TK2: variants seen among roughly 807,000 people sequenced by gnomAD.
TK2 encodes thymidine kinase 2, also known as thymidine kinase 2, mitochondrial.
Under a neutral mutation model 41.9 loss-of-function variants are expected in TK2, and 35 were observed. The ratio of observed to expected loss-of-function variants is 0.84; its 90% CI spans 0.64 to 1.11. The LOEUF (loss-of-function observed/expected upper bound fraction) is 1.11. TK2 is among the 50% of genes least tolerant of loss of function. The pLI is 0.00. For synonymous variants in TK2, 128 were observed against 129.1 expected, an observed-to-expected ratio of 0.99 and a Z score of 0.06; for missense variants, 320 against 351.1, an observed-to-expected ratio of 0.91 and a Z score of 0.71.
At position 66,511,753 on chromosome 16, in the gene TK2, A is replaced by T. The variant is rs1422856205; in HGVS notation, c.*215T>A. 1.6e-6 allele frequency: 1 copy of T among 620,260 alleles called. No individual in the cohort carries two copies. Among genetic ancestry groups the T allele is most frequent in the Non-Finnish European group, 2.9e-6 (1 of 344,794 alleles). The allele number at this position is 620,260 out of a possible 1,614,324, so 38.4% of individuals were successfully genotyped here. ...GGGGGAATGTGAGGCTGCGAACAGC[A>T]AAGGGCTTGGCAAACCCATTGGTCC... On this transcript the variant is annotated 3_prime_UTR_variant, in exon 10 of 10. Transcript: ENST00000544898.
Position 66,512,055 on chromosome 16 carries a change from A to C in TK2, c.711T>G (p.Ala237=). 2 of 1,614,204 alleles carry C rather than the reference A, an allele frequency of 1.2e-6. No homozygotes were observed. The highest frequency in any genetic ancestry group is 1.7e-6 in the Non-Finnish European group (2 of 1,180,026). The part of the protein sequence containing the change: ...PMAAPVLVIE[A]DHHMERMLEL... The stretch of plus-strand genomic sequence containing the variant: ...CTAACATCCTCTCCATGTGGTGGTC[A>C]GCCTCAATCACCTGGAAATTAGACA... Residue 237 remains alanine, a synonymous_variant, in exon 10 of 10, where the codon GCT becomes GCG. Coordinates refer to ENST00000544898, the MANE Select transcript of TK2 (RefSeq NM_004614.5).
At chr16:66,545,177 A>G (rs1425925693) in intron 2 of TK2, among the ~76,000 whole-genome samples, 2 of 152,198 alleles carry the variant, frequency 1.3e-5, no homozygotes, top group African/African-American at 4.8e-5. Context: ...ATGAATATGC[A>G]TATATGTATT....
Position 66,511,689 on chromosome 16 carries a change from G to A in TK2, c.*279C>T. 1 of 516,290 alleles carries A rather than the reference G, an allele frequency of 1.9e-6. No individual in the cohort carries two copies. 32.0% of individuals were successfully genotyped at this position (516,290 alleles called of 1,614,324 possible). A position where few individuals can be genotyped will look rare whatever the true frequency, so the allele number is the denominator to read the frequency against. On this transcript the variant is annotated 3_prime_UTR_variant, in exon 10 of 10. Transcript: ENST00000544898. ...CAGGTGCTCTCCCTAAGGGCTTCATGAGAGCGACTCAGCAGCACAAAGCCA... is the reference window on the plus strand; with the variant it reads ...CAGGTGCTCTCCCTAAGGGCTTCATAAGAGCGACTCAGCAGCACAAAGCCA...
chr16:66,549,010 C>T lies in TK2; in HGVS notation c.125-1G>A. ...TTTTTCTCTTTTTCCTGTTCTTTAT[C>T]TACAAAAGAAAGGAAATCAGTTTTT... On this transcript the variant is annotated splice_acceptor_variant, in intron 1 of 9. Transcript: ENST00000544898. LOFTEE classifies it high-confidence loss of function. 1 of 1,613,668 alleles carries T rather than the reference C, an allele frequency of 6.2e-7. No individual in the cohort carries two copies. The highest frequency in any genetic ancestry group is 1.1e-5 in the South Asian group (1 of 91,072).
At chr16:66,545,874 ATC>A (rs1258980531) in intron 2 of TK2, among the ~76,000 whole-genome samples, 1 of 152,078 alleles carries the variant, frequency 6.6e-6, no homozygotes, top group African/African-American at 2.4e-5. Flanking sequence ...GATACAAAAG[ATC>A]CCACGCTATA....
chr16:66,523,102 G>A (rs992961976), intron 6 of TK2, among the ~76,000 whole-genome samples: 8 of 152,194 alleles, frequency 5.3e-5, no homozygotes, highest in Non-Finnish European at 1.0e-4. Context: ...ACTTCGAGGA[G>A]ATGCAGGATT....
rs1301581729 is a variant in TK2 at position 66,515,372 on chromosome 16, CAGACTATAA to C, written c.619-1570_619-1562del. The stretch of plus-strand genomic sequence containing the variant: ...AACAACTCGTAACCTATAGACCCTC[CAGACTATAA>C]AGACCACCAACTGCAGAAAGCCTGA... On this transcript the variant is annotated intron_variant, in intron 8 of 9. Coordinates refer to ENST00000544898, the MANE Select transcript of TK2 (RefSeq NM_004614.5). Among the ~76,000 whole-genome samples, 7 of 152,296 alleles carry C rather than the reference CAGACTATAA, an allele frequency of 4.6e-5. No homozygotes were observed. In the South Asian group the frequency reaches 1.2e-3, roughly 27 times the overall value.
At chr16:66,538,743 C>A (rs1965364112) in intron 3 of TK2, among the ~76,000 whole-genome samples, 1 of 152,182 alleles carries the variant, frequency 6.6e-6, no homozygotes, top group African/African-American at 2.4e-5. Flanking sequence ...GGAAGCATAA[C>A]CTCGCTGGGA....
At chr16:66,513,368 A>T (rs2241618) in intron 9 of TK2, among the ~76,000 whole-genome samples, 1 of 152,152 alleles carries the variant, frequency 6.6e-6, no homozygotes, top group Non-Finnish European at 1.5e-5. Context: ...CACCAAACAA[A>T]GGTGAAATGA....
chr16:66,516,825 A>C (rs1432927707), intron 8 of TK2, among the ~76,000 whole-genome samples: 1 of 149,436 alleles, frequency 6.7e-6, no homozygotes, highest in Non-Finnish European at 1.5e-5. Context: ...AATCTTCAGG[A>C]GGCAGAACAG....
intron 6 of TK2, among the ~76,000 whole-genome samples, chr16:66,519,000 C>T (rs1056788803): frequency 1.3e-5 from 2 of 151,486 alleles, no homozygotes; most frequent in Admixed American, 6.6e-5. Flanking sequence ...GTCGCTCTGT[C>T]GCCCAGGCTG....
At chr16:66,526,809 G>T (rs1415033220) in intron 6 of TK2, among the ~76,000 whole-genome samples, 1 of 152,192 alleles carries the variant, frequency 6.6e-6, no homozygotes, top group South Asian at 2.1e-4. Context: ...CAAGCTGAAT[G>T]TGATTAAAAG....
At chr16:66,549,353 TG>T in intron 1 of TK2, 3 of 1,143,344 alleles carry the variant, frequency 2.6e-6, no homozygotes, top group Non-Finnish European at 3.2e-6. Context: ...CGGGGAAGAG[TG>T]GGCGGCGGAC....
intron 3 of TK2, among the ~76,000 whole-genome samples, chr16:66,539,468 G>A (rs1965388487): frequency 1.3e-5 from 2 of 152,020 alleles, no homozygotes; most frequent in African/African-American, 4.8e-5. Context: ...GGGCATGGTG[G>A]TGGGTGCTTG....
intron 4 of TK2, among the ~76,000 whole-genome samples, chr16:66,536,036 T>G (rs980817278): frequency 2.6e-5 from 4 of 151,954 alleles, no homozygotes; most frequent in Admixed American, 2.6e-4. Context: ...AAACCCTGTC[T>G]CTACTAAAAA....
intron 6 of TK2, among the ~76,000 whole-genome samples, chr16:66,518,911 A>G (rs1304117467): frequency 6.6e-6 from 1 of 151,840 alleles, no homozygotes; most frequent in African/African-American, 2.4e-5. Flanking sequence ...TACTTCTCAA[A>G]TCAGCAGTGG....
rs921593414 is a variant in TK2 at position 66,517,830 on chromosome 16, T to A, written c.497A>T (p.Asp166Val). The A allele has an allele frequency of 3.1e-6, 5 of 1,613,956 alleles. No individual in the cohort carries two copies. The African/African-American group carries it at 5.3e-5, about 17-fold the overall frequency. ...CACGTCCATGTTCCTCAAGATCCAG[T>A]CAAACCATTCCGACAGAACTACATA... ...VDYVVLSEWF[D>V]WILRNMDVSV... The change falls in exon 7 of 10, where the codon GAC (aspartate) becomes GTC (valine). Residue 166 changes from aspartate (D) to valine (V), a missense_variant. By Grantham distance (152) the Asp-to-Val change is radical. Transcript: ENST00000544898. This position sits in a 1 kb window ranked among gnomAD's most constrained non-coding sequence, Gnocchi z 4.3.
At chr16:66,536,737 T>C (rs1175949698) in intron 4 of TK2, among the ~76,000 whole-genome samples, 3 of 152,066 alleles carry the variant, frequency 2.0e-5, no homozygotes, top group African/African-American at 4.8e-5. Flanking sequence ...TAGTATGGGA[T>C]AGCTGACGGG....
chr16:66,534,007 C>CA (rs11383723), intron 4 of TK2, among the ~76,000 whole-genome samples: 81,904 of 97,334 alleles, frequency 0.84, 35,443 homozygotes, highest in Middle Eastern at 0.92. Context: ...GACTCTGTCT[C>CA]AAAAAAAAAA....
Sources: gnomAD v4.1 joint callset for allele counts (sites outside exome capture counted in the v4.1 genomes callset) on GRCh38, gnomAD v4.1.1 for gene constraint, Gnocchi (gnomAD v3.1) non-coding constraint, MANE v1.5 for transcripts, NCBI Gene and HGNC (gene_info 2026-07-23, HGNC 2026-07-21) for gene names.